The following COPZ2 variants were observed in gnomAD, a reference collection of about 807,000 sequenced individuals.
COPZ2 encodes the protein coat protein complex I subunit zeta 2.
In COPZ2, 30 loss-of-function variants were observed where a neutral mutation model predicts 33.2. That is an observed-to-expected ratio of 0.90 (90% confidence interval 0.68 to 1.23). The LOEUF (loss-of-function observed/expected upper bound fraction) is 1.23, where lower values mean the gene tolerates loss of function less well. Among genes scored for constraint, COPZ2 ranks in the 50% most tolerant of loss-of-function variants. The pLI is 0.00. For synonymous variants in COPZ2, 89 were observed against 102.6 expected, an observed-to-expected ratio of 0.87 and a Z score of 0.80; for missense variants, 263 against 262.4, an observed-to-expected ratio of 1.00 and a Z score of -0.02.
At chr17:48,044,065 G>C in the COPZ2 span, among the ~76,000 whole-genome samples, 2 of 152,186 alleles carry the variant, frequency 1.3e-5, no homozygotes, top group Non-Finnish European at 2.9e-5. Context: ...AAGTCAAACG[G>C]GCCGGGTGCA....
the COPZ2 span, chr17:48,047,839 AACC>A: frequency 6.6e-6 from 1 of 152,238 alleles, no homozygotes; most frequent in Non-Finnish European, 1.5e-5. Context: ...CGAGCGTCGC[AACC>A]ACAAGAACCA....
chr17:48,040,285 CAGGTCTTG>C (rs2037049483), upstream of COPZ2, among the ~76,000 whole-genome samples: 1 of 151,928 alleles, frequency 6.6e-6, no homozygotes, highest in African/African-American at 2.4e-5. Flanking sequence ...GTTGTCCAGG[CAGGTCTTG>C]AACTCCTGGG....
intron 4 of COPZ2, 39 bp from the exon 5 acceptor site, chr17:48,032,780 T>C (rs1405123467): frequency 6.5e-7 from 1 of 1,535,714 alleles, no homozygotes; most frequent in Non-Finnish European, 8.9e-7. Context: ...AAGGAGAGTT[T>C]GAGATTGAGA....
chr17:48,043,411 G>A, the COPZ2 span: 6 of 553,238 alleles, frequency 1.1e-5, no homozygotes, highest in African/African-American at 2.0e-5. Context: ...CTTATGTGAC[G>A]AGAAGAAACA....
chr17:48,044,359 G>A, the COPZ2 span, among the ~76,000 whole-genome samples: 31 of 142,112 alleles, frequency 2.2e-4, no homozygotes, highest in Admixed American at 1.9e-3. Context: ...AAAAAAGTCA[G>A]ATAATCATTC....
At chr17:48,032,620 G>T in intron 5 of COPZ2, 66 bp downstream of exon 5, 1 of 1,261,940 alleles carries the variant, frequency 7.9e-7, no homozygotes, top group Non-Finnish European at 1.1e-6. Context: ...AAAACAGGGA[G>T]GAAGGGTCCT....
Position 48,032,712 on chromosome 17 carries a change from C to A in COPZ2, c.390G>T (p.Leu130=), listed in dbSNP as rs774715627. The change falls in exon 5 of 9, where the codon CTG becomes CTT. Residue 130 remains leucine, a synonymous_variant. Transcript: ENST00000621465. ...ELMLMSVLTC[L]FESLNHMLRK... ...TTAACATGTGGTTCAGAGACTCAAA[C>A]AGGCAGGTGAGAACAGACATGAGCA... The A allele has an allele frequency of 8.8e-6, 14 of 1,594,348 alleles. No individual in the cohort carries two copies. Among genetic ancestry groups the A allele is most frequent in the Non-Finnish European group, 9.4e-6 (11 of 1,170,428 alleles).
At chr17:48,033,805 A>T (rs891551712) in intron 3 of COPZ2, 58 bp downstream of exon 3, 1 of 1,316,506 alleles carries the variant, frequency 7.6e-7, no homozygotes, top group African/African-American at 1.4e-5. Flanking sequence ...ATGTGTCCAG[A>T]TGGAGAAGAT....
At chr17:48,041,147 C>CAA (rs10532613), upstream of COPZ2, among the ~76,000 whole-genome samples, 5 of 102,996 alleles carry the variant, frequency 4.9e-5, no homozygotes, top group Admixed American at 1.1e-4. Flanking sequence ...ACTCTATCTC[C>CAA]AAAAAAAAAA....
chr17:48,038,460 G>A (rs2037026323), upstream of COPZ2, among the ~76,000 whole-genome samples: 1 of 152,246 alleles, frequency 6.6e-6, no homozygotes, highest in African/African-American at 2.4e-5. Context: ...ACTAAGACAA[G>A]CTCTCATTTC....
In COPZ2 at chr17:48,033,004, C is replaced by T. The variant is rs1176569346; in HGVS notation, c.360+207G>A. Reference sequence around the variant, plus strand: ...TCCCTTGAAGATGAAGTGATTACTTCATTCCTGGTTCCCAAGGAAACTAAG... The same window carrying T: ...TCCCTTGAAGATGAAGTGATTACTTTATTCCTGGTTCCCAAGGAAACTAAG... On this transcript the variant is annotated intron_variant, in intron 4 of 8. Coordinates refer to ENST00000621465, the MANE Select transcript of COPZ2 (RefSeq NM_016429.4). The T allele has an allele frequency of 5.0e-6, 3 of 597,132 alleles. No individual in the cohort carries two copies. In the East Asian group the frequency reaches 8.3e-5, roughly 17 times the overall value. The allele number at this position is 597,132 out of a possible 1,614,324, so 37.0% of individuals were successfully genotyped here.
At chr17:48,030,363 A>G (rs900256997) in intron 6 of COPZ2, among the ~76,000 whole-genome samples, 1 of 151,748 alleles carries the variant, frequency 6.6e-6, no homozygotes. Flanking sequence ...CTTTTGATAG[A>G]CCCAAATATT....
intron 2 of COPZ2, among the ~76,000 whole-genome samples, chr17:48,035,661 C>T (rs931587990): frequency 5.8e-4 from 88 of 152,198 alleles, no homozygotes; most frequent in African/African-American, 2.1e-3. Context: ...TGGGCTCAAG[C>T]AGTCCACCCG....
chr17:48,039,072 T>C (rs1424404586), upstream of COPZ2, among the ~76,000 whole-genome samples: 3 of 152,096 alleles, frequency 2.0e-5, no homozygotes, highest in African/African-American at 7.2e-5. Context: ...CCTCCTGGGC[T>C]CAGGCAATCC....
At chr17:48,027,178 C>T (rs1475262031) in intron 8 of COPZ2, among the ~76,000 whole-genome samples, 2 of 152,240 alleles carry the variant, frequency 1.3e-5, no homozygotes, top group Admixed American at 6.5e-5. Flanking sequence ...TTAGGGTTCC[C>T]CTGATTCTCC....
rs1350885021 is a variant in COPZ2, at chr17:48,028,942, C to A, written c.546+183G>T. Among the ~76,000 whole-genome samples, 1 of 152,036 alleles carries A rather than the reference C, an allele frequency of 6.6e-6. No homozygotes were observed. Among genetic ancestry groups the A allele is most frequent in the Non-Finnish European group, 1.5e-5 (1 of 68,000 alleles). Reference sequence around the variant, plus strand: ...AGCCGGGGAGAGGACAGGAAGATTTCTTCCATTAACTGGCATCCCACCCAG... The same window carrying A: ...AGCCGGGGAGAGGACAGGAAGATTTATTCCATTAACTGGCATCCCACCCAG... On this transcript the variant is annotated intron_variant, in intron 7 of 8. Transcript: ENST00000621465. The surrounding 1 kb of genome is among the most constrained non-coding windows in gnomAD (Gnocchi z 4.5).
intron 6 of COPZ2, 101 bp downstream of exon 6, chr17:48,032,055 T>G: frequency 1.1e-5 from 10 of 879,002 alleles, no homozygotes; most frequent in Non-Finnish European, 1.5e-5. Context: ...GGGAAGGGAG[T>G]GAGAAGTTGG....
chr17:48,038,813 A>G (rs548480481), upstream of COPZ2, among the ~76,000 whole-genome samples: 1 of 152,328 alleles, frequency 6.6e-6, no homozygotes, highest in East Asian at 1.9e-4. Flanking sequence ...TCCTCACTGA[A>G]TGCATCAAGT....
the COPZ2 span, chr17:48,047,886 C>T: frequency 6.6e-6 from 1 of 152,294 alleles, no homozygotes; most frequent in African/African-American, 2.4e-5. Context: ...ATTCTCGGGT[C>T]TCACTAGACT....
Sources: allele counts gnomAD v4.1 joint callset (sites outside exome capture counted in the v4.1 genomes callset), GRCh38; gene constraint gnomAD v4.1.1; non-coding constraint Gnocchi (gnomAD v3.1); transcripts MANE v1.5; gene names NCBI Gene and HGNC (gene_info 2026-07-23, HGNC 2026-07-21).